The following ACOX3 variants were observed in gnomAD, a reference collection of about 807,000 sequenced individuals.
ACOX3 encodes the protein acyl-CoA oxidase 3, pristanoyl.
ACOX3 carries 73 observed loss-of-function variants against 81.5 expected under a neutral mutation model. The observed-to-expected ratio is 0.90, with a 90% confidence interval of 0.74 to 1.09. ACOX3 has a LOEUF of 1.09. Ranked by LOEUF, ACOX3 falls within the 50% of genes least tolerant of loss-of-function variation. ACOX3 has a pLI of 0.00. For missense variants in ACOX3, 947 were observed against 928.0 expected (o/e 1.02, Z -0.27); for synonymous variants, 387 against 375.1 (o/e 1.03, Z -0.37).
chr4:8,366,997 G>T lies in ACOX3; in HGVS notation c.2067C>A (p.Asn689Lys). The T allele has an allele frequency of 6.2e-7, 1 of 1,614,110 alleles. No homozygotes were observed. Among genetic ancestry groups the T allele is most frequent in the Non-Finnish European group, 8.5e-7 (1 of 1,179,980 alleles). The change falls in exon 18 of 18, where the codon AAC (asparagine) becomes AAA (lysine). Residue 689 changes from asparagine (N) to lysine (K), a missense_variant. Transcript: ENST00000356406. ...RASWWPEFSV[N>K]KPVIGSLKSK... is the part of the protein sequence containing the mutation. ...ATTTCAGACTTCCTATGACAGGTTTGTTCACAGAAAACTCTGGCCACCAGG... is the reference window on the plus strand; with the variant it reads ...ATTTCAGACTTCCTATGACAGGTTTTTTCACAGAAAACTCTGGCCACCAGG...
intron 8 of ACOX3, among the ~76,000 whole-genome samples, chr4:8,398,532 A>C (rs965050141): frequency 6.6e-6 from 1 of 152,090 alleles, no homozygotes; most frequent in Admixed American, 6.5e-5. Flanking sequence ...CCCACGCTGG[A>C]GTGCAGTGAT....
chr4:8,361,203 C>A, the ACOX3 span, among the ~76,000 whole-genome samples: 1 of 151,744 alleles, frequency 6.6e-6, no homozygotes, highest in Non-Finnish European at 1.5e-5. Context: ...GTGGGCGGAT[C>A]ATGAAGTCAG....
chr4:8,414,908 G>A lies in ACOX3; in HGVS notation c.399C>T (p.Tyr133=), dbSNP rs777799202. ...LHSLVFGSAV[Y]SSGSERHLTY... is the part of the protein sequence containing the mutation. ...TGAGATGTCTTTCAGAACCAGAACT[G>A]TAAACTGCTGATCCAAAAACCTGAA... Residue 133 remains tyrosine, a synonymous_variant, in exon 4 of 18, where the codon TAC becomes TAT. Transcript: ENST00000356406. This position sits in a 1 kb window ranked among gnomAD's most constrained non-coding sequence, Gnocchi z 6.1. 6.2e-7 allele frequency: 1 copy of A among 1,614,248 alleles called. No homozygotes were observed. Among genetic ancestry groups the A allele is most frequent in the Non-Finnish European group, 8.5e-7 (1 of 1,180,038 alleles).
chr4:8,411,327 G>C (rs895647681), intron 5 of ACOX3, among the ~76,000 whole-genome samples: 5 of 152,216 alleles, frequency 3.3e-5, no homozygotes, highest in Admixed American at 3.3e-4. Flanking sequence ...ACAAAATAAC[G>C]TGCCGGGGAG....
intron 1 of ACOX3, among the ~76,000 whole-genome samples, chr4:8,424,765 A>T (rs192714395): frequency 2.6e-5 from 4 of 152,362 alleles, no homozygotes; most frequent in African/African-American, 9.6e-5. Context: ...TCAACAGGTG[A>T]TTGCTCAAAC....
Position 8,416,150 on chromosome 4 carries a change from G to C in ACOX3, c.145-151C>G. 1 of 980,200 alleles carries C rather than the reference G, an allele frequency of 1.0e-6. No individual in the cohort carries two copies. Among genetic ancestry groups the C allele is most frequent in the Non-Finnish European group, 1.5e-6 (1 of 655,452 alleles). The allele number at this position is 980,200 out of a possible 1,614,324, so 60.7% of individuals were successfully genotyped here. On this transcript the variant is annotated intron_variant, in intron 2 of 17. Coordinates refer to ENST00000356406, the MANE Select transcript of ACOX3 (RefSeq NM_003501.3). The surrounding 1 kb of genome is among the most constrained non-coding windows in gnomAD (Gnocchi z 4.2). The stretch of plus-strand genomic sequence containing the variant: ...AGAGATATGACTATCATTCCCAATG[G>C]ACTAGAGGACTGGAGGCTTAAGAAA...
At chr4:8,418,694 T>C (rs1393198121) in intron 1 of ACOX3, among the ~76,000 whole-genome samples, 1 of 151,000 alleles carries the variant, frequency 6.6e-6, no homozygotes, top group African/African-American at 2.4e-5. Flanking sequence ...ACCCCATCGC[T>C]ACTGAAAATA....
At chr4:8,357,147 G>T in the ACOX3 span, 1 of 454,222 alleles carries the variant, frequency 2.2e-6, no homozygotes, top group Admixed American at 2.4e-5. Flanking sequence ...GGCAGGTGAG[G>T]GGAAGAAAGT....
At chr4:8,434,272 G>A (rs1187506953) in intron 1 of ACOX3, among the ~76,000 whole-genome samples, 3 of 152,136 alleles carry the variant, frequency 2.0e-5, no homozygotes, top group Non-Finnish European at 4.4e-5. Context: ...TTTCTTTTTC[G>A]GGGGGCTCCG....
At position 8,368,028 on chromosome 4, in the gene ACOX3, A is replaced by T. The variant is rs148297050; in HGVS notation, c.1984-948T>A. Among the ~76,000 whole-genome samples the T allele has an allele frequency of 1.7e-3, 263 of 150,760 alleles. 1 individual carries two copies. The highest frequency in any genetic ancestry group is 5.2e-3 in the African/African-American group (215 of 41,152). On this transcript the variant is annotated intron_variant, in intron 17 of 17. Coordinates refer to ENST00000356406, the MANE Select transcript of ACOX3 (RefSeq NM_003501.3). This position sits in a 1 kb window ranked among gnomAD's most constrained non-coding sequence, Gnocchi z 5.9. ...AAAAGAACTGATCGTGGCAGTGGAC[A>T]CGCTGTTTCTTAGTAACTGCAGCCA...
chr4:8,434,742 TTTGAC>T (rs1240037739), intron 1 of ACOX3, among the ~76,000 whole-genome samples: 4 of 152,212 alleles, frequency 2.6e-5, no homozygotes, highest in Admixed American at 6.5e-5. Context: ...GGTTTTTGTT[TTTGAC>T]TTGACTTGAA....
intron 15 of ACOX3, chr4:8,373,934 G>T: frequency 2.2e-6 from 1 of 452,486 alleles, no homozygotes; most frequent in Non-Finnish European, 4.0e-6. Context: ...GGTTCAGGGA[G>T]GCTGGGCGGG....
rs778343652 is a variant in ACOX3, at chr4:8,389,185, A to G, written c.1525T>C (p.Leu509=). Residue 509 remains leucine, a synonymous_variant, in exon 13 of 18, where the codon TTG becomes CTG. Transcript: ENST00000356406. The surrounding 1 kb of genome is among the most constrained non-coding windows in gnomAD (Gnocchi z 5.3). Reference sequence around the variant, plus strand: ...CCTGTGTGTTTACCTGCAGAGTCCAAGCAGTCGGCAACACTGGAGACCTCA... The same window carrying G: ...CCTGTGTGTTTACCTGCAGAGTCCAGGCAGTCGGCAACACTGGAGACCTCA... The part of the protein sequence containing the change: ...KFEVSSVADC[L]DSAVALAAYK... The G allele has an allele frequency of 1.7e-5, 28 of 1,613,594 alleles. No homozygotes were observed. The highest frequency in any genetic ancestry group is 2.4e-5 in the Non-Finnish European group (28 of 1,179,818).
intron 1 of ACOX3, among the ~76,000 whole-genome samples, chr4:8,439,747 T>G (rs1006841510): frequency 1.3e-5 from 2 of 152,204 alleles, no homozygotes; most frequent in African/African-American, 4.8e-5. Context: ...GCAAGTGTAT[T>G]ACATAAAACA....
downstream of ACOX3, among the ~76,000 whole-genome samples, chr4:8,365,898 G>A (rs1290673176): frequency 1.3e-5 from 2 of 152,168 alleles, no homozygotes; most frequent in African/African-American, 4.8e-5. Flanking sequence ...AATAAGAACT[G>A]GTCTTATTTG....
In ACOX3 at chr4:8,401,625, C is replaced by A. The variant is rs994612012; in HGVS notation, c.777-1973G>T. Among the ~76,000 whole-genome samples, 5 of 152,208 alleles carry A rather than the reference C, an allele frequency of 3.3e-5. No individual in the cohort carries two copies. The East Asian group carries it at 5.8e-4, about 18-fold the overall frequency. ...AGCTGGGCCGTTTCCCAAAGGCCTT[C>A]GGAATGGCGGAGGCCAATGTGGAGG... On this transcript the variant is annotated intron_variant, in intron 7 of 17. Transcript: ENST00000356406.
At chr4:8,433,486 C>T (rs543988726) in intron 1 of ACOX3, among the ~76,000 whole-genome samples, 10 of 152,304 alleles carry the variant, frequency 6.6e-5, no homozygotes, top group African/African-American at 2.2e-4. Flanking sequence ...AGAATAAATG[C>T]GTGTTGTTTT....
chr4:8,408,891 T>TGGGG (rs200811549), intron 6 of ACOX3, among the ~76,000 whole-genome samples: 63 of 25,790 alleles, frequency 2.4e-3, no homozygotes, highest in African/African-American at 4.4e-3. Flanking sequence ...GAGCCCTCAC[T>TGGGG]GGGGGGGGGG....
At position 8,394,825 on chromosome 4, in the gene ACOX3, A is replaced by C; in HGVS notation, c.1057-83T>G. 6.5e-7 allele frequency: 1 copy of C among 1,527,186 alleles called. No individual in the cohort carries two copies. Among genetic ancestry groups the C allele is most frequent in the Admixed American group, 1.9e-5 (1 of 51,396 alleles). 94.6% of individuals were successfully genotyped at this position (1,527,186 alleles called of 1,614,324 possible). A position where few individuals can be genotyped will look rare whatever the true frequency, so the allele number is the denominator to read the frequency against. On this transcript the variant is annotated intron_variant, in intron 9 of 17. Coordinates refer to ENST00000356406, the MANE Select transcript of ACOX3 (RefSeq NM_003501.3). The surrounding 1 kb of genome is among the most constrained non-coding windows in gnomAD (Gnocchi z 5.9). ...TCCCAGGGACCATGAAAGCCAGTGC[A>C]GGGAGAGGCCGTCAGGGCCACACAC... is the stretch of plus-strand genomic sequence containing the variant.
Sources: gnomAD v4.1 joint callset for allele counts (sites outside exome capture counted in the v4.1 genomes callset) on GRCh38, gnomAD v4.1.1 for gene constraint, Gnocchi (gnomAD v3.1) non-coding constraint, MANE v1.5 for transcripts, NCBI Gene and HGNC (gene_info 2026-07-23, HGNC 2026-07-21) for gene names.